Variants in DMD observed in about 807,000 individuals in gnomAD.
The protein encoded by DMD is mutant dystrophin.
Under a neutral mutation model 330.1 loss-of-function variants are expected in DMD, and 63 were observed. The observed-to-expected ratio is 0.19, with a 90% confidence interval of 0.16 to 0.24. The LOEUF is 0.24. DMD is among the 10% of genes least tolerant of loss of function. The probability of loss-of-function intolerance (pLI) is 1.00; values close to 1 mark genes in which losing one functional copy is unlikely to be tolerated. For synonymous variants in DMD, 1,223 were observed against 959.8 expected (o/e 1.27, Z -5.07); for missense variants, 3,344 against 2,684.1 (o/e 1.25, Z -5.43).
At chrX:31,645,829 C>T (rs1371277686) in intron 54 of DMD, among the ~76,000 whole-genome samples, 1 of 112,168 alleles carries the variant, frequency 8.9e-6, no homozygotes, top group African/African-American at 3.2e-5. Flanking sequence ...CAAGCATGCA[C>T]TGTAATAAGG....
chrX:32,549,288 G>A (rs2049284905), intron 16 of DMD, among the ~76,000 whole-genome samples: 1 of 111,381 alleles, frequency 9.0e-6, no homozygotes, highest in Non-Finnish European at 1.9e-5. Context: ...CATCTTTAAA[G>A]TAAGAGTAAC....
chrX:33,189,506 G>A (rs1189810090), intron 1 of DMD, among the ~76,000 whole-genome samples: 2 of 111,301 alleles, frequency 1.8e-5, no homozygotes, highest in Non-Finnish European at 3.8e-5. Context: ...ATTGGTGAGA[G>A]GGGTTAGGAA....
intron 44 of DMD, among the ~76,000 whole-genome samples, chrX:32,156,023 T>G (rs398124028): frequency 2.3e-3 from 243 of 104,080 alleles, no homozygotes; most frequent in African/African-American, 7.5e-3. Flanking sequence ...CACACCTGTA[T>G]AGCTGATGAT....
At chrX:31,633,563 T>G in intron 54 of DMD, among the ~76,000 whole-genome samples, 1 of 112,062 alleles carries the variant, frequency 8.9e-6, no homozygotes, top group East Asian at 2.8e-4. Context: ...AACATTTAAC[T>G]AGAGTTACAA....
chrX:33,022,783 A>G (rs766369507), intron 1 of DMD, among the ~76,000 whole-genome samples: 1 of 111,553 alleles, frequency 9.0e-6, no homozygotes, highest in Non-Finnish European at 1.9e-5. Flanking sequence ...CATTTACATT[A>G]TAATTGCATA....
chrX:31,325,569 G>A (rs1009235859), intron 61 of DMD, among the ~76,000 whole-genome samples: 2 of 109,823 alleles, frequency 1.8e-5, no homozygotes, highest in African/African-American at 3.3e-5. Context: ...AGCTGAAATC[G>A]CACCACTGCA....
At chrX:32,127,664 T>G (rs2096668355) in intron 44 of DMD, among the ~76,000 whole-genome samples, 2 of 111,959 alleles carry the variant, frequency 1.8e-5, no homozygotes, top group African/African-American at 6.5e-5. Flanking sequence ...CCAGCTGTGT[T>G]TATCTCTGAC....
At chrX:33,069,932 C>T (rs1013398749) in intron 1 of DMD, among the ~76,000 whole-genome samples, 8 of 111,646 alleles carry the variant, frequency 7.2e-5, no homozygotes, top group African/African-American at 2.6e-4. Context: ...GTAAACAAAT[C>T]GGATAGAAGC....
At chrX:33,205,598 A>C (rs895887937) in intron 1 of DMD, among the ~76,000 whole-genome samples, 3 of 112,274 alleles carry the variant, frequency 2.7e-5, no homozygotes, top group Non-Finnish European at 5.6e-5. Flanking sequence ...GCCCTTTTAT[A>C]GTCCTGATTC....
At chrX:31,802,564 T>C (rs913148983) in intron 50 of DMD, among the ~76,000 whole-genome samples, 10 of 111,270 alleles carry the variant, frequency 9.0e-5, no homozygotes, top group African/African-American at 2.9e-4. Flanking sequence ...CAACTGAACT[T>C]AGTGGTGGAT....
chrX:32,301,089 T>C (rs746260748), intron 42 of DMD, among the ~76,000 whole-genome samples: 1 of 109,458 alleles, frequency 9.1e-6, no homozygotes, highest in African/African-American at 3.3e-5. Flanking sequence ...TTTGGTAATA[T>C]TATGCCCGTT....
At chrX:31,224,091 T>C (rs16998151) in intron 63 of DMD, among the ~76,000 whole-genome samples, 8,354 of 111,478 alleles carry the variant, frequency 0.075, 782 homozygotes, top group African/African-American at 0.26. Flanking sequence ...TACATTTATT[T>C]CAGGAACTCA....
intron 44 of DMD, chrX:32,155,479 G>C: frequency 2.7e-6 from 2 of 739,381 alleles, no homozygotes; most frequent in Non-Finnish European, 3.2e-6. Context: ...TGAAGAGAAA[G>C]AGCTGCTGGG....
At chrX:31,773,932 T>C (rs1378619011) in intron 51 of DMD, 28 bp downstream of exon 51, 1 of 1,173,964 alleles carries the variant, frequency 8.5e-7, no homozygotes, top group East Asian at 3.0e-5. Flanking sequence ...GAAAAACTTC[T>C]GCCAACTTTT....
chrX:32,608,830 C>T (rs1180550314), intron 12 of DMD, among the ~76,000 whole-genome samples: 2 of 110,198 alleles, frequency 1.8e-5, no homozygotes, highest in African/African-American at 6.6e-5. Flanking sequence ...CCATCATAAC[C>T]ATTAAACTTT....
intron 7 of DMD, among the ~76,000 whole-genome samples, chrX:32,805,945 G>C (rs1205920510): frequency 8.0e-5 from 9 of 111,840 alleles, no homozygotes; most frequent in Non-Finnish European, 1.7e-4. Flanking sequence ...ACTAAATATG[G>C]CAAGGACAAA....
chrX:32,917,169 C>G (rs1371055803), intron 2 of DMD, among the ~76,000 whole-genome samples: 1 of 100,071 alleles, frequency 1.0e-5, no homozygotes, highest in African/African-American at 3.8e-5. Context: ...TCCCCCCCCC[C>G]CACATCCCCC....
intron 42 of DMD, among the ~76,000 whole-genome samples, chrX:32,296,029 A>C (rs755948223): frequency 1.3e-4 from 15 of 112,326 alleles, no homozygotes; most frequent in Non-Finnish European, 2.6e-4. Flanking sequence ...TGAAGTTTTA[A>C]ATATATTTTT....
chrX:32,031,429 C>CAAT (rs778055811), intron 44 of DMD, among the ~76,000 whole-genome samples: 7 of 110,846 alleles, frequency 6.3e-5, no homozygotes, highest in Non-Finnish European at 1.3e-4. Flanking sequence ...ATTCCTAGAG[C>CAAT]AATACCATTT....
Sources: allele counts gnomAD v4.1 joint callset (sites outside exome capture counted in the v4.1 genomes callset), GRCh38; gene constraint gnomAD v4.1.1; transcripts MANE v1.5; gene names NCBI Gene and HGNC (gene_info 2026-07-23, HGNC 2026-07-21).